MEGF9: variants seen among roughly 807,000 people sequenced by gnomAD.
The protein encoded by MEGF9 is multiple EGF like domains 9, also known as multiple epidermal growth factor-like domains protein 9.
MEGF9 carries 6 observed loss-of-function variants against 46.8 expected under a neutral mutation model. That is an observed-to-expected ratio of 0.13 (90% CI 0.07 to 0.25). The LOEUF (loss-of-function observed/expected upper bound fraction) is 0.25, where lower values mean the gene tolerates loss of function less well. Among genes scored for constraint, MEGF9 ranks in the 10% least tolerant of loss-of-function variants. The pLI is 1.00. For synonymous variants in MEGF9, 302 were observed against 330.7 expected (o/e 0.91, Z 0.94); for missense variants, 683 against 792.4 (o/e 0.86, Z 1.66).
intron 1 of MEGF9, among the ~76,000 whole-genome samples, chr9:120,707,279 A>T (rs913748684): frequency 6.6e-6 from 1 of 152,188 alleles, no homozygotes; most frequent in East Asian, 1.9e-4. Context: ...AAGCTATGAA[A>T]CTACAAATTT....
At chr9:120,665,236 C>T (rs1348874616) in intron 1 of MEGF9, among the ~76,000 whole-genome samples, 5 of 150,864 alleles carry the variant, frequency 3.3e-5, no homozygotes, top group African/African-American at 1.2e-4. Context: ...GATGGAGTCT[C>T]ACTCTGTAGC....
chr9:120,682,591 G>A (rs201476737), intron 1 of MEGF9, among the ~76,000 whole-genome samples: 30 of 118,110 alleles, frequency 2.5e-4, no homozygotes, highest in South Asian at 2.1e-3. Context: ...ACACACACAC[G>A]CACACACATA....
chr9:120,679,881 T>A (rs1023417638), intron 1 of MEGF9, among the ~76,000 whole-genome samples: 1 of 144,922 alleles, frequency 6.9e-6, no homozygotes, highest in Non-Finnish European at 1.5e-5. Flanking sequence ...GAGGTTGCAG[T>A]GAGCCAAGAT....
intron 1 of MEGF9, among the ~76,000 whole-genome samples, chr9:120,665,869 G>A (rs1400011985): frequency 6.6e-6 from 1 of 152,096 alleles, no homozygotes; most frequent in Non-Finnish European, 1.5e-5. Flanking sequence ...CCCCCAATGT[G>A]TGTTCTGGGC....
rs759186826 is a variant in MEGF9 at position 120,607,862 on chromosome 9, T to C, written c.1236A>G (p.Pro412=). ...CHGHVDPVKT[P]KICKPESGEC... ...CACCACTCTCGGGCTTACAAATCTT[T>C]GGAGTTTTAACTGGGTCCACATGGC... Residue 412 remains proline (P), a synonymous_variant, in exon 5 of 6, where the codon CCA becomes CCG. Transcript: ENST00000373930. 1 of 1,613,902 alleles carries C rather than the reference T, an allele frequency of 6.2e-7. No individual in the cohort carries two copies. Among genetic ancestry groups the C allele is most frequent in the East Asian group, 2.2e-5 (1 of 44,902 alleles).
At chr9:120,647,631 T>C (rs1392202871) in intron 2 of MEGF9, among the ~76,000 whole-genome samples, 1 of 152,132 alleles carries the variant, frequency 6.6e-6, no homozygotes, top group Non-Finnish European at 1.5e-5. Flanking sequence ...AAAGTTATCT[T>C]AAAATAAAAA....
chr9:120,690,269 G>C (rs1191157562), intron 1 of MEGF9, among the ~76,000 whole-genome samples: 2 of 152,078 alleles, frequency 1.3e-5, no homozygotes, highest in Non-Finnish European at 2.9e-5. Flanking sequence ...AAGTACACTG[G>C]GGTATTTTGT....
Position 120,605,684 on chromosome 9 carries a change from T to C in MEGF9, c.1358-43A>G. 4 of 1,392,212 alleles carry C rather than the reference T, an allele frequency of 2.9e-6. No individual in the cohort carries two copies. Among genetic ancestry groups the C allele is most frequent in the Non-Finnish European group, 3.9e-6 (4 of 1,029,670 alleles). The allele number at this position is 1,392,212 out of a possible 1,614,324, so 86.2% of individuals were successfully genotyped here. A position where few individuals can be genotyped will look rare whatever the true frequency, so the allele number is the denominator to read the frequency against. On this transcript the variant is annotated intron_variant, in intron 5 of 5. Transcript: ENST00000373930. The surrounding 1 kb of genome is among the most constrained non-coding windows in gnomAD (Gnocchi z 4.0). ...GAATGAAATGTAAAAGACAAAATTA[T>C]CTAGTTTTGAGAAACAATAAAAGAA...
At chr9:120,617,551 A>G (rs1175833735) in intron 3 of MEGF9, among the ~76,000 whole-genome samples, 1 of 152,234 alleles carries the variant, frequency 6.6e-6, no homozygotes, top group Non-Finnish European at 1.5e-5. Context: ...AAAACCAGAT[A>G]GGCCATAGAG....
At chr9:120,645,919 G>A (rs998503184) in intron 2 of MEGF9, among the ~76,000 whole-genome samples, 14 of 152,302 alleles carry the variant, frequency 9.2e-5, no homozygotes, top group Admixed American at 8.5e-4. Context: ...GTGGGTGGTA[G>A]CAATTGCTGG....
chr9:120,680,257 G>A (rs1335662178), intron 1 of MEGF9, among the ~76,000 whole-genome samples: 1 of 152,098 alleles, frequency 6.6e-6, no homozygotes, highest in Non-Finnish European at 1.5e-5. Context: ...GCATTGAAGA[G>A]TTAGGTATTT....
intron 1 of MEGF9, among the ~76,000 whole-genome samples, chr9:120,664,220 C>T (rs1424533258): frequency 6.6e-6 from 1 of 152,046 alleles, no homozygotes. Flanking sequence ...TAGGCTCTCT[C>T]TTCATTCAAT....
chr9:120,646,150 T>C (rs2043625451), intron 2 of MEGF9, among the ~76,000 whole-genome samples: 1 of 152,166 alleles, frequency 6.6e-6, no homozygotes, highest in Non-Finnish European at 1.5e-5. Flanking sequence ...GTATCACCCT[T>C]CTGACTCTTC....
At chr9:120,649,027 A>G (rs975704521) in intron 2 of MEGF9, among the ~76,000 whole-genome samples, 3 of 152,222 alleles carry the variant, frequency 2.0e-5, no homozygotes, top group South Asian at 2.1e-4. Flanking sequence ...AGTCCTTTCC[A>G]TAAAATGGCA....
At chr9:120,659,325 T>C (rs1324851645) in intron 2 of MEGF9, 49 bp downstream of exon 2, 24 of 1,538,354 alleles carry the variant, frequency 1.6e-5, no homozygotes, top group Middle Eastern at 2.2e-4. Context: ...GCCTTTTTTT[T>C]CCCCTTGCTA....
At chr9:120,712,165 G>C (rs992892520) in intron 1 of MEGF9, among the ~76,000 whole-genome samples, 1 of 152,148 alleles carries the variant, frequency 6.6e-6, no homozygotes, top group South Asian at 2.1e-4. Context: ...AGCTGAGGTG[G>C]GAGGATCGCT....
chr9:120,661,565 T>C (rs972997724), intron 1 of MEGF9, among the ~76,000 whole-genome samples: 3 of 152,180 alleles, frequency 2.0e-5, no homozygotes, highest in African/African-American at 7.2e-5. Context: ...GCAGCTTATT[T>C]GTTTATTTTA....
chr9:120,659,819 G>A (rs916616391), intron 1 of MEGF9, among the ~76,000 whole-genome samples: 2 of 141,426 alleles, frequency 1.4e-5, no homozygotes, highest in Non-Finnish European at 3.1e-5. Context: ...GTGTGTGTGT[G>A]TATTATTAGT....
intron 4 of MEGF9, among the ~76,000 whole-genome samples, chr9:120,609,277 T>G (rs758862425): frequency 4.9e-5 from 7 of 141,638 alleles, no homozygotes; most frequent in Non-Finnish European, 7.7e-5. Context: ...TACATACTAC[T>G]TTCTCTGCAT....
Sources: gnomAD v4.1 joint callset for allele counts (sites outside exome capture counted in the v4.1 genomes callset) on GRCh38, gnomAD v4.1.1 for gene constraint, Gnocchi (gnomAD v3.1) non-coding constraint, MANE v1.5 for transcripts, NCBI Gene and HGNC (gene_info 2026-07-23, HGNC 2026-07-21) for gene names.